The following ST18 variants were observed in gnomAD, a reference collection of about 807,000 sequenced individuals.
ST18 encodes suppression of tumorigenicity 18 protein.
A neutral mutation model predicts 110.0 loss-of-function variants in ST18; 50 were observed. The ratio of observed to expected loss-of-function variants is 0.45; its 90% CI spans 0.36 to 0.58. ST18 has a LOEUF of 0.58. ST18 is among the 20% of genes least tolerant of loss of function. ST18 has a pLI of 0.00. For synonymous variants in ST18, 461 were observed against 452.4 expected, an observed-to-expected ratio of 1.02 and a Z score of -0.24; for missense variants, 1,306 against 1,280.1, an observed-to-expected ratio of 1.02 and a Z score of -0.31.
intron 2 of ST18, among the ~76,000 whole-genome samples, chr8:52,290,479 A>G (rs187977873): frequency 1.5e-4 from 23 of 152,334 alleles, no homozygotes; most frequent in African/African-American, 5.5e-4. Context: ...AGCACAAAGA[A>G]TAGAGAAGCC....
intron 8 of ST18, among the ~76,000 whole-genome samples, chr8:52,202,962 T>G (rs1392287144): frequency 6.6e-6 from 1 of 151,980 alleles, no homozygotes; most frequent in Admixed American, 6.6e-5. Context: ...AAGGAGAGTA[T>G]CAAAGATAAA....
At chr8:52,327,327 T>C (rs889510787) in intron 2 of ST18, among the ~76,000 whole-genome samples, 3 of 152,214 alleles carry the variant, frequency 2.0e-5, no homozygotes, top group Admixed American at 1.3e-4. Context: ...GATGGATTCA[T>C]GTGGCAAGAC....
At chr8:52,182,164 A>G (rs2069963459) in intron 8 of ST18, among the ~76,000 whole-genome samples, 1 of 152,208 alleles carries the variant, frequency 6.6e-6, no homozygotes, top group Admixed American at 6.5e-5. Flanking sequence ...GGATTCTAAA[A>G]ATCATAGTAA....
intron 2 of ST18, among the ~76,000 whole-genome samples, chr8:52,279,043 T>C (rs759408481): frequency 2.6e-5 from 4 of 151,944 alleles, no homozygotes; most frequent in Non-Finnish European, 5.9e-5. Context: ...TTTTAAAAAA[T>C]AATAAAATAA....
At chr8:52,337,391 G>A (rs534978964) in intron 2 of ST18, among the ~76,000 whole-genome samples, 1 of 152,338 alleles carries the variant, frequency 6.6e-6, no homozygotes, top group South Asian at 2.1e-4. Flanking sequence ...CTGTCTACTA[G>A]TGAGTGGAAA....
Position 52,142,794 on chromosome 8 carries a change from G to A in ST18, c.2168+136C>T, listed in dbSNP as rs113563817. The A allele has an allele frequency of 1.5e-4, 94 of 631,588 alleles. 1 individual carries two copies. In the African/African-American group the frequency reaches 1.5e-3, roughly 10 times the overall value. 39.1% of individuals were successfully genotyped at this position (631,588 alleles called of 1,614,324 possible). A position where few individuals can be genotyped will look rare whatever the true frequency, so the allele number is the denominator to read the frequency against. On this transcript the variant is annotated intron_variant, in intron 17 of 25. Coordinates refer to ENST00000689386, the MANE Select transcript of ST18 (RefSeq NM_001352837.2). ...CACCCTCTTAGCTCAGGTTAGATGC[G>A]TGTTTAACGTTTAACTGCTGACTGG...
At chr8:52,378,623 T>A (rs1833320409) in intron 2 of ST18, among the ~76,000 whole-genome samples, 1 of 152,298 alleles carries the variant, frequency 6.6e-6, no homozygotes, top group East Asian at 1.9e-4. Context: ...ATATAATAAA[T>A]CCTATATACA....
At chr8:52,206,488 A>G (rs955005796) in intron 8 of ST18, 1 of 152,258 alleles carries the variant, frequency 6.6e-6, no homozygotes, top group African/African-American at 2.4e-5. Context: ...AATCTCTGGA[A>G]TGCTTCTGTT....
At chr8:52,136,486 G>T in intron 19 of ST18, 104 bp downstream of exon 19, 1 of 1,146,606 alleles carries the variant, frequency 8.7e-7, no homozygotes, top group Non-Finnish European at 1.3e-6. Context: ...CTGGCAGGCA[G>T]GACATACTGC....
At chr8:52,260,713 C>T (rs774869179) in intron 2 of ST18, among the ~76,000 whole-genome samples, 1 of 152,196 alleles carries the variant, frequency 6.6e-6, no homozygotes, top group African/African-American at 2.4e-5. Flanking sequence ...TATACACATA[C>T]ACACACTGCA....
chr8:52,162,788 C>T (rs940766854), intron 13 of ST18, among the ~76,000 whole-genome samples: 1 of 152,030 alleles, frequency 6.6e-6, no homozygotes, highest in African/African-American at 2.4e-5. Context: ...ACAAATATAC[C>T]TTTCAAAATT....
intron 8 of ST18, among the ~76,000 whole-genome samples, chr8:52,202,651 G>A (rs1050991697): frequency 6.6e-6 from 1 of 152,220 alleles, no homozygotes; most frequent in Non-Finnish European, 1.5e-5. Context: ...CTTCATGGAG[G>A]AGGTGGTATC....
chr8:52,312,311 T>C (rs2095932818), intron 2 of ST18, among the ~76,000 whole-genome samples: 1 of 152,198 alleles, frequency 6.6e-6, no homozygotes, highest in Non-Finnish European at 1.5e-5. Flanking sequence ...TTTACTCTGT[T>C]GCAAGGAGGG....
intron 2 of ST18, chr8:52,403,278 G>A (rs2141123027): frequency 6.6e-6 from 1 of 152,378 alleles, no homozygotes; most frequent in African/African-American, 2.4e-5. Flanking sequence ...CCCCAAGCAG[G>A]ACACACTCTA....
rs149847330 is a variant in ST18 at position 52,186,319 on chromosome 8, G to A, written c.87-6007C>T. 1.0e-3 allele frequency among the ~76,000 whole-genome samples: 153 copies of A among 152,272 alleles called. 1 individual carries two copies. The highest frequency in any genetic ancestry group is 3.5e-3 in the African/African-American group (146 of 41,542). On this transcript the variant is annotated intron_variant, in intron 8 of 25. Transcript: ENST00000689386. ...TTTTGGCTGATACACAAATGCAAAC[G>A]TGCTCAGATTCTTTCGTCTCCAGGG... is the stretch of plus-strand genomic sequence containing the variant.
At chr8:52,363,188 G>A (rs1826443866) in intron 2 of ST18, among the ~76,000 whole-genome samples, 1 of 152,180 alleles carries the variant, frequency 6.6e-6, no homozygotes, top group Non-Finnish European at 1.5e-5. Context: ...TCCAGCCTGG[G>A]CGACAGAGCG....
intron 23 of ST18, among the ~76,000 whole-genome samples, chr8:52,123,022 G>T (rs542768629): frequency 1.3e-5 from 2 of 151,998 alleles, no homozygotes; most frequent in South Asian, 2.1e-4. Context: ...CATAACTTCT[G>T]CTTGTTTCTA....
intron 8 of ST18, among the ~76,000 whole-genome samples, chr8:52,206,113 G>A (rs115458559): frequency 0.011 from 1,678 of 152,240 alleles, 24 homozygotes; most frequent in African/African-American, 0.039. Context: ...TGATTCAGTC[G>A]CTTCCCTGTC....
At chr8:52,300,045 G>A (rs761656343) in intron 2 of ST18, among the ~76,000 whole-genome samples, 83 of 152,180 alleles carry the variant, frequency 5.5e-4, no homozygotes, top group Non-Finnish European at 6.0e-4. Context: ...TGATAAATTC[G>A]TTGAGGTCCC....
Sources: allele counts gnomAD v4.1 joint callset (sites outside exome capture counted in the v4.1 genomes callset), GRCh38; gene constraint gnomAD v4.1.1; transcripts MANE v1.5; gene names NCBI Gene and HGNC (gene_info 2026-07-23, HGNC 2026-07-21).